Variants in CCBE1 observed in about 807,000 individuals in gnomAD.
CCBE1 encodes collagen and calcium-binding EGF domain-containing protein 1.
A neutral mutation model predicts 50.0 loss-of-function variants in CCBE1; 37 were observed. The observed-to-expected ratio is 0.74, with a 90% CI of 0.57 to 0.97. CCBE1 has a LOEUF of 0.97. Ranked by LOEUF, CCBE1 falls within the 50% of genes least tolerant of loss-of-function variation. CCBE1 has a pLI of 0.00. For missense variants in CCBE1, 538 were observed against 523.8 expected (o/e 1.03, Z -0.26); for synonymous variants, 234 against 203.7 (o/e 1.15, Z -1.27).
intron 2 of CCBE1, among the ~76,000 whole-genome samples, chr18:59,610,630 T>C (rs2053555790): frequency 6.6e-6 from 1 of 152,250 alleles, no homozygotes; most frequent in African/African-American, 2.4e-5. Context: ...ACACCTTGCA[T>C]ATCTGGCCTT....
intron 2 of CCBE1, among the ~76,000 whole-genome samples, chr18:59,680,558 C>T (rs1394014380): frequency 5.3e-5 from 8 of 151,576 alleles, no homozygotes; most frequent in African/African-American, 1.5e-4. Context: ...ATTAGCCGGG[C>T]GTGGTGGCGG....
At chr18:59,451,805 A>C (rs7237161) in intron 6 of CCBE1, among the ~76,000 whole-genome samples, 130,946 of 152,052 alleles carry the variant, frequency 0.86, 56,576 homozygotes, top group Middle Eastern at 0.94. Context: ...TACCCCAGAA[A>C]TTAAAAATAA....
At chr18:59,567,404 G>C (rs923654101) in intron 2 of CCBE1, among the ~76,000 whole-genome samples, 1 of 152,200 alleles carries the variant, frequency 6.6e-6, no homozygotes, top group African/African-American at 2.4e-5. Context: ...AAAGTGTTGG[G>C]ATTACAGGCG....
In CCBE1 at chr18:59,697,373, G is replaced by A; in HGVS notation, c.-31C>T. 6.5e-7 allele frequency: 1 copy of A among 1,541,184 alleles called. No individual in the cohort carries two copies. The highest frequency in any genetic ancestry group is 1.2e-5 in the South Asian group (1 of 83,798). Reference sequence around the variant, plus strand: ...AAGCTCCCGGCTTCTTCCCAGCGCCGAGCTCCGTCCGGACCAAGCGTCCTG... The same window carrying A: ...AAGCTCCCGGCTTCTTCCCAGCGCCAAGCTCCGTCCGGACCAAGCGTCCTG... On this transcript the variant is annotated 5_prime_UTR_variant, in exon 1 of 11. Coordinates refer to ENST00000439986, the MANE Select transcript of CCBE1 (RefSeq NM_133459.4).
chr18:59,680,583 A>G (rs1311068703), intron 2 of CCBE1, among the ~76,000 whole-genome samples: 1 of 151,964 alleles, frequency 6.6e-6, no homozygotes, highest in Admixed American at 6.6e-5. Context: ...CTGTAGTCCC[A>G]GCTACTGGGG....
At chr18:59,696,319 C>G (rs1048478288) in intron 2 of CCBE1, 1 of 471,994 alleles carries the variant, frequency 2.1e-6, no homozygotes, top group East Asian at 5.0e-5. Flanking sequence ...GTTTGCTATG[C>G]CCCACTGTTT....
At chr18:59,478,978 C>G (rs1912440872) in intron 3 of CCBE1, among the ~76,000 whole-genome samples, 1 of 152,158 alleles carries the variant, frequency 6.6e-6, no homozygotes, top group African/African-American at 2.4e-5. Context: ...TCTCAAAGGT[C>G]ACAGCTATGG....
At chr18:59,477,232 A>C (rs72960169) in intron 3 of CCBE1, among the ~76,000 whole-genome samples, 7,292 of 152,292 alleles carry the variant, frequency 0.048, 247 homozygotes, top group Non-Finnish European at 0.075. Context: ...GGAACACCAG[A>C]AACACCTTAG....
At chr18:59,635,270 A>G (rs1346631456) in intron 2 of CCBE1, among the ~76,000 whole-genome samples, 1 of 152,254 alleles carries the variant, frequency 6.6e-6, no homozygotes, top group Non-Finnish European at 1.5e-5. Flanking sequence ...CTAAACTGAC[A>G]TTCAAGAAAT....
chr18:59,563,000 A>G (rs1259161075), intron 2 of CCBE1, among the ~76,000 whole-genome samples: 5 of 152,242 alleles, frequency 3.3e-5, no homozygotes, highest in African/African-American at 1.2e-4. Context: ...AAACAGAGAC[A>G]AGACTGTTGG....
chr18:59,674,515 C>T (rs762747533), intron 2 of CCBE1, among the ~76,000 whole-genome samples: 6 of 152,186 alleles, frequency 3.9e-5, no homozygotes, highest in Non-Finnish European at 7.4e-5. Flanking sequence ...AAATACCTAA[C>T]GTAGATGACA....
At chr18:59,686,046 C>T (rs1468270143) in intron 2 of CCBE1, 1 of 152,172 alleles carries the variant, frequency 6.6e-6, no homozygotes, top group African/African-American at 2.4e-5. Flanking sequence ...AAAGCTTAAT[C>T]CCTGTTATTT....
chr18:59,610,841 C>T (rs903720303), intron 2 of CCBE1, among the ~76,000 whole-genome samples: 2 of 152,252 alleles, frequency 1.3e-5, no homozygotes, highest in South Asian at 4.1e-4. Context: ...ATGCAGCTCC[C>T]ATCTGCTCCA....
intron 2 of CCBE1, among the ~76,000 whole-genome samples, chr18:59,579,141 C>T (rs2053046576): frequency 6.6e-6 from 1 of 151,920 alleles, no homozygotes; most frequent in African/African-American, 2.4e-5. Flanking sequence ...CTCAATAATC[C>T]CCTCAACAAA....
intron 2 of CCBE1, chr18:59,696,418 A>G (rs959495233): frequency 1.5e-6 from 2 of 1,304,696 alleles, no homozygotes; most frequent in Non-Finnish European, 2.0e-6. Context: ...CAGGGCACAC[A>G]CCCTAGACGC....
At chr18:59,572,833 G>A (rs1308504342) in intron 2 of CCBE1, among the ~76,000 whole-genome samples, 4 of 152,168 alleles carry the variant, frequency 2.6e-5, no homozygotes, top group Admixed American at 2.6e-4. Context: ...GTATACGTGT[G>A]TGCCCCTAAG....
intron 2 of CCBE1, among the ~76,000 whole-genome samples, chr18:59,624,528 A>G (rs1307728875): frequency 6.6e-6 from 1 of 152,224 alleles, no homozygotes; most frequent in African/African-American, 2.4e-5. Context: ...AAGACAACAA[A>G]ATAGAGTTAG....
intron 2 of CCBE1, among the ~76,000 whole-genome samples, chr18:59,541,329 G>C (rs991323006): frequency 1.3e-5 from 2 of 152,130 alleles, no homozygotes; most frequent in Non-Finnish European, 2.9e-5. Flanking sequence ...GGACAAACAG[G>C]AGAATTTCAA....
chr18:59,565,141 T>G (rs3097389), intron 2 of CCBE1, among the ~76,000 whole-genome samples: 1 of 152,120 alleles, frequency 6.6e-6, no homozygotes, highest in African/African-American at 2.4e-5. Flanking sequence ...AGGAGTCCAC[T>G]CTGGAGTCTG....
Sources: allele counts gnomAD v4.1 joint callset (sites outside exome capture counted in the v4.1 genomes callset), GRCh38; gene constraint gnomAD v4.1.1; transcripts MANE v1.5; gene names NCBI Gene and HGNC (gene_info 2026-07-23, HGNC 2026-07-21).